CEP170B: variants seen among roughly 807,000 people sequenced by gnomAD.
CEP170B encodes the protein centrosomal protein 170B.
Under a neutral mutation model 120.6 loss-of-function variants are expected in CEP170B, and 55 were observed. The observed-to-expected ratio is 0.46, with a 90% CI of 0.37 to 0.57. CEP170B has a LOEUF of 0.57. CEP170B is among the 20% of genes least tolerant of loss of function. The probability of loss-of-function intolerance (pLI) is 0.00; values close to 1 mark genes in which losing one functional copy is unlikely to be tolerated. For synonymous variants in CEP170B, 1,033 were observed against 954.5 expected, an observed-to-expected ratio of 1.08 and a Z score of -1.52; for missense variants, 2,212 against 2,253.3, an observed-to-expected ratio of 0.98 and a Z score of 0.37.
chr14:104,885,618 C>A, intron 10 of CEP170B, 76 bp downstream of exon 10: 1 of 1,487,552 alleles, frequency 6.7e-7, no homozygotes, highest in Non-Finnish European at 8.9e-7. Context: ...CTGGGGTCAG[C>A]GGGCCCCCCA....
chr14:104,888,086 C>T (rs1457120667), intron 12 of CEP170B, 108 bp downstream of exon 12: 30 of 1,201,668 alleles, frequency 2.5e-5, no homozygotes, highest in Admixed American at 3.0e-5. Context: ...GGTCCTGGCA[C>T]GAGAGGAGCC....
intron 5 of CEP170B, among the ~76,000 whole-genome samples, chr14:104,879,715 G>A (rs556903261): frequency 1.3e-5 from 2 of 152,274 alleles, no homozygotes; most frequent in African/African-American, 2.4e-5. Context: ...GGGCATCCTT[G>A]CGTGCCCTTT....
rs751402729 is a variant in CEP170B, at chr14:104,887,591, C to T, written c.3352C>T (p.Pro1118Ser). The T allele has an allele frequency of 6.3e-7, 1 of 1,587,166 alleles. No homozygotes were observed. The highest frequency in any genetic ancestry group is 8.6e-7 in the Non-Finnish European group (1 of 1,168,286). Residue 1118 changes from proline to serine, a missense_variant, in exon 12 of 19, where the codon CCT (proline) becomes TCT (serine). Around this residue, in one of 2 missense-constraint regions of CEP170B, gnomAD observed 2,166 missense variants for 2,166.7 expected, o/e 1.00. Coordinates refer to ENST00000414716, the MANE Select transcript of CEP170B (RefSeq NM_001112726.3). ...GACCCGCTCCAACAGCCTGTCCACC[C>T]CTCGCCCCACACGGGCCTCCCGGCT... The part of the protein sequence containing the change: ...ALTRSNSLST[P>S]RPTRASRLRR...
At chr14:104,890,398 A>C (rs1356682560) in intron 13 of CEP170B, among the ~76,000 whole-genome samples, 3 of 102,872 alleles carry the variant, frequency 2.9e-5, no homozygotes, top group Non-Finnish European at 5.9e-5. Flanking sequence ...GAGTGGATGG[A>C]TGGATGGATG....
At position 104,887,472 on chromosome 14, in the gene CEP170B, C is replaced by T; in HGVS notation, c.3233C>T (p.Ser1078Phe). The part of the protein sequence containing the change: ...PEATGAGRLG[S>F]RRKPAAPPPS... ...GCCACCGGGGCAGGACGGCTAGGTT[C>T]TCGCCGGAAACCAGCGGCCCCACCG... Residue 1078 changes from serine to phenylalanine, a missense_variant, in exon 12 of 19, where the codon TCT (serine) becomes TTT (phenylalanine). Around this residue, in one of 2 missense-constraint regions of CEP170B, gnomAD observed 2,166 missense variants for 2,166.7 expected, o/e 1.00. Coordinates refer to ENST00000414716, the MANE Select transcript of CEP170B (RefSeq NM_001112726.3). 6.2e-7 allele frequency: 1 copy of T among 1,611,876 alleles called. No individual in the cohort carries two copies. Among genetic ancestry groups the T allele is most frequent in the East Asian group, 2.2e-5 (1 of 44,874 alleles).
At chr14:104,875,964 C>A (rs1026080387) in intron 2 of CEP170B, among the ~76,000 whole-genome samples, 5 of 152,178 alleles carry the variant, frequency 3.3e-5, no homozygotes, top group Admixed American at 1.3e-4. Flanking sequence ...GAGGGAGCAG[C>A]GTGTGCCAGA....
At position 104,884,060 on chromosome 14, in the gene CEP170B, CG is replaced by C; in HGVS notation, c.1285del (p.Asp429ThrfsTer102). ...CCCAGTCCTTCACGCACAGCCCGTC[CG>C]GGGACCCCAAGGCCGACAAGCGCCG... ...RSQSFTHSPS[G>X]DPKADKRRGP... On this transcript the variant is annotated frameshift_variant, in exon 9 of 19. Coordinates refer to ENST00000414716, the MANE Select transcript of CEP170B (RefSeq NM_001112726.3). LOFTEE classifies it high-confidence loss of function. The C allele has an allele frequency of 6.2e-7, 1 of 1,608,254 alleles. No individual in the cohort carries two copies. The highest frequency in any genetic ancestry group is 1.1e-5 in the South Asian group (1 of 90,364).
At chr14:104,865,094 C>T (rs1326644978), upstream of CEP170B, among the ~76,000 whole-genome samples, 3 of 151,128 alleles carry the variant, frequency 2.0e-5, no homozygotes, top group Non-Finnish European at 3.0e-5. This position sits in a 1 kb window ranked among gnomAD's most constrained non-coding sequence, Gnocchi z 6.7. Flanking sequence ...CGCCAAGCCT[C>T]TGCCGACCGG....
intron 13 of CEP170B, among the ~76,000 whole-genome samples, chr14:104,890,491 T>G (rs1896775172): frequency 7.5e-6 from 1 of 133,502 alleles, no homozygotes; most frequent in Non-Finnish European, 1.6e-5. Flanking sequence ...AATGAGTGGG[T>G]TGGTGGATGG....
At position 104,889,623 on chromosome 14, in the gene CEP170B, C is replaced by T. The variant is rs986947262; in HGVS notation, c.3743C>T (p.Thr1248Ile). 2 of 1,611,188 alleles carry T rather than the reference C, an allele frequency of 1.2e-6. No homozygotes were observed. Among genetic ancestry groups the T allele is most frequent in the African/African-American group, 1.3e-5 (1 of 75,044 alleles). Residue 1248 changes from threonine (T) to isoleucine (I), a missense_variant, in exon 13 of 19, where the codon ACT becomes ATT. Thr to Ile is a moderately conservative substitution (Grantham distance 89). Coordinates refer to ENST00000414716, the MANE Select transcript of CEP170B (RefSeq NM_001112726.3). ...ACACGCTCCCACACCTCAACAGCCA[C>T]TCAGACCCCGAGGGCTGGCAGCTCC... is the stretch of plus-strand genomic sequence containing the variant. ...RSGSARYTST[T>I]QTPRAGSSSR...
In CEP170B at chr14:104,887,030, A is replaced by C. The variant is rs1896558995; in HGVS notation, c.2791A>C (p.Asn931His). Residue 931 changes from asparagine to histidine, a missense_variant, in exon 12 of 19, where the codon AAT becomes CAT. Around this residue, in one of 2 missense-constraint regions of CEP170B, gnomAD observed 2,166 missense variants for 2,166.7 expected, o/e 1.00. Transcript: ENST00000414716. ...GGCCCTGGAGGCCCGACTCCTCTCT[A>C]ATTCTGTGGATGCCGAGTGTGAGGG... The part of the protein sequence containing the change: ...LAALEARLLS[N>H]SVDAECEGGS... 6.2e-7 allele frequency: 1 copy of C among 1,611,018 alleles called. No homozygotes were observed. Among genetic ancestry groups the C allele is most frequent in the Admixed American group, 1.7e-5 (1 of 60,000 alleles).
At chr14:104,864,673 T>G (rs548194840), upstream of CEP170B, among the ~76,000 whole-genome samples, 366 of 150,670 alleles carry the variant, frequency 2.4e-3, 1 homozygote, top group African/African-American at 8.2e-3. This position sits in a 1 kb window ranked among gnomAD's most constrained non-coding sequence, Gnocchi z 5.9. Flanking sequence ...CGCCCCCAGC[T>G]CAGCCCAGAG....
At chr14:104,880,071 C>T (rs1258550470) in intron 5 of CEP170B, among the ~76,000 whole-genome samples, 1 of 152,172 alleles carries the variant, frequency 6.6e-6, no homozygotes, top group East Asian at 1.9e-4. Context: ...CCTGCTTTCC[C>T]TGGAAGCTGC....
rs538644159 is a variant in CEP170B at position 104,870,316 on chromosome 14, A to G, written c.105+1761A>G. Among the ~76,000 whole-genome samples, 1 of 152,346 alleles carries G rather than the reference A, an allele frequency of 6.6e-6. No homozygotes were observed. Among genetic ancestry groups the G allele is most frequent in the East Asian group, 1.9e-4 (1 of 5,184 alleles). ...AATAGCCTTTTGATGATTTTCAATC[A>G]TTTAAAAGTGTAAAGATCATTCTTA... On this transcript the variant is annotated intron_variant, in intron 2 of 18. Coordinates refer to ENST00000414716, the MANE Select transcript of CEP170B (RefSeq NM_001112726.3). The surrounding 1 kb of genome is among the most constrained non-coding windows in gnomAD (Gnocchi z 4.1).
intron 4 of CEP170B, 29 bp from the exon 5 acceptor site, chr14:104,878,414 G>A (rs202220553): frequency 1.2e-6 from 2 of 1,610,104 alleles, no homozygotes; most frequent in Non-Finnish European, 1.7e-6. Flanking sequence ...TGGCTCTTCT[G>A]CTCTGTGTTC....
chr14:104,886,550 AGGAG>A lies in CEP170B; in HGVS notation c.2312_2315del (p.Arg771ThrfsTer51). 7.8e-7 allele frequency: 1 copy of A among 1,276,028 alleles called. No homozygotes were observed. Among genetic ancestry groups the A allele is most frequent in the Non-Finnish European group, 1.1e-6 (1 of 951,260 alleles). 79.0% of individuals were successfully genotyped at this position (1,276,028 alleles called of 1,614,324 possible). ...GGTGGAGCCACAGGACAGCAGACGC[AGGAG>A]CCCCCAGGAGGGGCCCACGTGGAGC... On this transcript the variant is annotated frameshift_variant, in exon 12 of 19. Transcript: ENST00000414716. LOFTEE classifies it high-confidence loss of function.
chr14:104,876,465 C>T (rs1385121936), intron 3 of CEP170B, 120 bp downstream of exon 3: 5 of 885,176 alleles, frequency 5.6e-6, no homozygotes, highest in Admixed American at 4.3e-5. Flanking sequence ...CTGGCCCCTC[C>T]CTCTCAGTTC....
chr14:104,885,301 G>C, intron 9 of CEP170B, 68 bp from the exon 10 acceptor site: 1 of 1,456,788 alleles, frequency 6.9e-7, no homozygotes, highest in South Asian at 1.4e-5. Context: ...GGGGTGGCCA[G>C]TGTCAGTGGA....
chr14:104,878,809 C>T, intron 5 of CEP170B, among the ~76,000 whole-genome samples: 1 of 152,204 alleles, frequency 6.6e-6, no homozygotes, highest in Non-Finnish European at 1.5e-5. Context: ...AGGAGCCGGG[C>T]TGCATGGTCA....
Sources: gnomAD v4.1 joint callset for allele counts (sites outside exome capture counted in the v4.1 genomes callset) on GRCh38, gnomAD v4.1.1 for gene constraint, gnomAD v4.1.1 regional missense constraint, Gnocchi (gnomAD v3.1) non-coding constraint, MANE v1.5 for transcripts, NCBI Gene and HGNC (gene_info 2026-07-23, HGNC 2026-07-21) for gene names.